The following AVL9 variants were observed in gnomAD, a reference collection of about 807,000 sequenced individuals.
The protein encoded by AVL9 is late secretory pathway protein AVL9 homolog.
Under a neutral mutation model 79.2 loss-of-function variants are expected in AVL9, and 49 were observed. That is an observed-to-expected ratio of 0.62 (90% confidence interval 0.49 to 0.79). The LOEUF is 0.79. Ranked by LOEUF, AVL9 falls within the 30% of genes least tolerant of loss-of-function variation. AVL9 has a pLI of 0.00. For missense variants in AVL9, 682 were observed against 776.8 expected, an observed-to-expected ratio of 0.88 and a Z score of 1.45; for synonymous variants, 299 against 280.6, an observed-to-expected ratio of 1.07 and a Z score of -0.65.
At chr7:32,576,544 G>T (rs993452995) in intron 13 of AVL9, among the ~76,000 whole-genome samples, 9 of 152,174 alleles carry the variant, frequency 5.9e-5, no homozygotes, top group African/African-American at 2.2e-4. Context: ...AACACTTTGG[G>T]AGGCCGAGGT....
chr7:32,495,937 C>T (rs1004235979), intron 1 of AVL9, 135 bp downstream of exon 1: 29 of 501,016 alleles, frequency 5.8e-5, no homozygotes, highest in Non-Finnish European at 8.8e-5. Context: ...CGCCTCTCAA[C>T]CTGACTCCTT....
chr7:32,530,087 A>C (rs1391542534), intron 1 of AVL9, among the ~76,000 whole-genome samples: 1 of 152,184 alleles, frequency 6.6e-6, no homozygotes, highest in African/African-American at 2.4e-5. Flanking sequence ...TCTATTTTAA[A>C]AGATTTTTTT....
rs181559374 is a variant in AVL9 at position 32,570,228 on chromosome 7, A to T, written c.1350+74A>T. 6.9e-5 allele frequency: 107 copies of T among 1,554,226 alleles called. No individual in the cohort carries two copies. The Middle Eastern group carries it at 1.0e-3, about 15-fold the overall frequency. On this transcript the variant is annotated intron_variant, in intron 11 of 15. Transcript: ENST00000318709. The stretch of plus-strand genomic sequence containing the variant: ...TCCTTTCTTAACTACAATTATGAAT[A>T]CATAGTAACAACATTAGTAATGATA...
rs565577245 is a variant in AVL9, at chr7:32,544,808, C to T, written c.300+29C>T. ...CGATAGTTAATAGTGAAAAACAATT[C>T]CAAAGTCCCTTCTTAGATGTTGGAC... is the stretch of plus-strand genomic sequence containing the variant. On this transcript the variant is annotated intron_variant, in intron 3 of 15. Coordinates refer to ENST00000318709, the MANE Select transcript of AVL9 (RefSeq NM_015060.3). 4.5e-6 allele frequency: 7 copies of T among 1,540,096 alleles called. No homozygotes were observed. In the East Asian group the frequency reaches 9.0e-5, roughly 20 times the overall value.
intron 12 of AVL9, among the ~76,000 whole-genome samples, chr7:32,575,515 CT>C (rs34398970): frequency 0.2 from 28,242 of 139,148 alleles, 2,887 homozygotes; most frequent in South Asian, 0.35. Flanking sequence ...CATTCTTAAT[CT>C]TTTTTTTTGT....
intron 8 of AVL9, among the ~76,000 whole-genome samples, chr7:32,555,778 G>A (rs779026784): frequency 2.0e-5 from 3 of 152,130 alleles, no homozygotes; most frequent in Non-Finnish European, 2.9e-5. Context: ...TAGTGGAGTC[G>A]GGGTTGAAAG....
intron 11 of AVL9, among the ~76,000 whole-genome samples, chr7:32,570,967 C>T (rs1312587292): frequency 2.1e-5 from 3 of 145,710 alleles, no homozygotes; most frequent in Non-Finnish European, 3.0e-5. Flanking sequence ...CAGTGGCTCA[C>T]GCCTGTAATC....
intron 1 of AVL9, chr7:32,535,274 A>T (rs1311699563): frequency 6.6e-6 from 1 of 152,158 alleles, no homozygotes; most frequent in Admixed American, 6.5e-5. Context: ...GTTTCCACTG[A>T]GCTCCTTCAT....
At chr7:32,517,562 C>T (rs1787961192) in intron 1 of AVL9, among the ~76,000 whole-genome samples, 1 of 151,948 alleles carries the variant, frequency 6.6e-6, no homozygotes. Flanking sequence ...CCTCGGCCTC[C>T]CAAAGTGCTG....
intron 3 of AVL9, among the ~76,000 whole-genome samples, chr7:32,546,278 T>C (rs1789499070): frequency 6.6e-6 from 1 of 152,118 alleles, no homozygotes; most frequent in South Asian, 2.1e-4. Flanking sequence ...ACCCATCACC[T>C]AGACTCATAG....
At chr7:32,555,367 AT>A (rs919903203) in intron 8 of AVL9, among the ~76,000 whole-genome samples, 6 of 152,166 alleles carry the variant, frequency 3.9e-5, no homozygotes, top group African/African-American at 1.4e-4. Flanking sequence ...AGCAATAATT[AT>A]TTCCTTCAAT....
chr7:32,497,250 G>A (rs1231343913), intron 1 of AVL9, among the ~76,000 whole-genome samples: 1 of 152,172 alleles, frequency 6.6e-6, no homozygotes, highest in African/African-American at 2.4e-5. Context: ...AGCTACTTGG[G>A]AGGCTGAGGC....
chr7:32,521,872 G>A (rs1215475983), intron 1 of AVL9, among the ~76,000 whole-genome samples: 1 of 152,208 alleles, frequency 6.6e-6, no homozygotes, highest in Non-Finnish European at 1.5e-5. Flanking sequence ...GTGGCACCCT[G>A]TGTCCCAGCT....
intron 13 of AVL9, among the ~76,000 whole-genome samples, chr7:32,579,580 ATTATATATTATATATT>A (rs1791391620): frequency 6.9e-5 from 1 of 14,548 alleles, no homozygotes; most frequent in African/African-American, 3.6e-4. Flanking sequence ...TATATTATAT[ATTATATATTATATATT>A]ATATATTATA....
intron 1 of AVL9, among the ~76,000 whole-genome samples, chr7:32,522,353 AACTC>A (rs1032615898): frequency 1.3e-5 from 2 of 152,180 alleles, no homozygotes; most frequent in African/African-American, 4.8e-5. Flanking sequence ...AGACCATGGG[AACTC>A]ACCTCTTGCA....
At chr7:32,571,803 A>G (rs548601187) in intron 11 of AVL9, among the ~76,000 whole-genome samples, 5 of 152,236 alleles carry the variant, frequency 3.3e-5, no homozygotes, top group South Asian at 4.1e-4. Context: ...TTTTATTATT[A>G]TACTTCAAAA....
rs541729079 is a variant in AVL9 at position 32,520,051 on chromosome 7, C to G, written c.94-23090C>G. On this transcript the variant is annotated intron_variant, in intron 1 of 15. Coordinates refer to ENST00000318709, the MANE Select transcript of AVL9 (RefSeq NM_015060.3). The stretch of plus-strand genomic sequence containing the variant: ...GATCCAGTCACCTCCCACCAGGTCC[C>G]TCCCCTGACATTGAGTATTATGATT... Among the ~76,000 whole-genome samples, 14 of 152,344 alleles carry G rather than the reference C, an allele frequency of 9.2e-5. 1 individual carries two copies. In the South Asian group the frequency reaches 2.9e-3, roughly 32 times the overall value.
chr7:32,500,911 G>A (rs1583477754), intron 1 of AVL9, among the ~76,000 whole-genome samples: 2 of 152,272 alleles, frequency 1.3e-5, no homozygotes, highest in African/African-American at 4.8e-5. Context: ...AGAGCAGATG[G>A]CTGTAGATGT....
At chr7:32,514,025 C>CAA (rs1192566515) in intron 1 of AVL9, among the ~76,000 whole-genome samples, 1 of 152,210 alleles carries the variant, frequency 6.6e-6, no homozygotes, top group Non-Finnish European at 1.5e-5. Context: ...AGCCATAAGG[C>CAA]GGTTTTCTCC....
Sources: allele counts gnomAD v4.1 joint callset (sites outside exome capture counted in the v4.1 genomes callset), GRCh38; gene constraint gnomAD v4.1.1; transcripts MANE v1.5; gene names NCBI Gene and HGNC (gene_info 2026-07-23, HGNC 2026-07-21).